ADGRV1: variants seen among roughly 807,000 people sequenced by gnomAD.
ADGRV1 encodes G-protein coupled receptor 98.
ADGRV1 carries 359 observed loss-of-function variants against 596.2 expected under a neutral mutation model. That is an observed-to-expected ratio of 0.60 (90% CI 0.55 to 0.66). ADGRV1 has a LOEUF of 0.66. Among genes scored for constraint, ADGRV1 ranks in the 30% least tolerant of loss-of-function variants. The pLI, the probability that ADGRV1 is intolerant of heterozygous loss-of-function variation, is 0.00. For missense variants in ADGRV1, 7,274 were observed against 7,575.6 expected (o/e 0.96, Z 1.48); for synonymous variants, 2,681 against 2,679.2 (o/e 1.00, Z -0.02).
At chr5:90,691,828 GA>G (rs953949813) in intron 31 of ADGRV1, among the ~76,000 whole-genome samples, 2 of 151,968 alleles carry the variant, frequency 1.3e-5, no homozygotes, top group African/African-American at 4.8e-5. Flanking sequence ...CTTACTATAT[GA>G]AAAATAGCAT....
intron 31 of ADGRV1, 106 bp from the exon 32 acceptor site, chr5:90,692,499 T>G (rs571648547): frequency 8.8e-6 from 7 of 799,590 alleles, no homozygotes; most frequent in Non-Finnish European, 1.2e-5. Flanking sequence ...TCATTCCATT[T>G]TGTTCTTGTA....
At chr5:91,133,725 A>C (rs1794402971) in intron 87 of ADGRV1, among the ~76,000 whole-genome samples, 1 of 152,186 alleles carries the variant, frequency 6.6e-6, no homozygotes, top group African/African-American at 2.4e-5. Context: ...GCTGGTTCTT[A>C]TATCTTAAAC....
intron 1 of ADGRV1, among the ~76,000 whole-genome samples, chr5:90,569,381 ATATATATTTTTTTTTTTTTT>A (rs1756172035): frequency 5.1e-5 from 1 of 19,432 alleles, no homozygotes; most frequent in Non-Finnish European, 8.1e-5. Flanking sequence ...ATATATATAT[ATATATATTTTTTTTTTTTTT>A]TTTTTTTTTT....
chr5:90,740,570 G>A (rs914657359), intron 50 of ADGRV1, among the ~76,000 whole-genome samples: 3 of 152,238 alleles, frequency 2.0e-5, no homozygotes, highest in African/African-American at 7.2e-5. Context: ...GAGCAATGCT[G>A]TTGGGTATTC....
intron 83 of ADGRV1, among the ~76,000 whole-genome samples, chr5:90,933,452 T>C (rs967450114): frequency 1.3e-5 from 2 of 151,992 alleles, no homozygotes; most frequent in African/African-American, 4.8e-5. Flanking sequence ...GCAAAGCAAA[T>C]ATAGTCCTGA....
At chr5:90,981,322 G>A (rs908940467) in intron 84 of ADGRV1, among the ~76,000 whole-genome samples, 2 of 152,170 alleles carry the variant, frequency 1.3e-5, no homozygotes, top group South Asian at 2.1e-4. Context: ...AATCAGATAC[G>A]CATTTATCTC....
At chr5:91,050,737 G>A (rs1172068659) in intron 85 of ADGRV1, among the ~76,000 whole-genome samples, 1 of 152,178 alleles carries the variant, frequency 6.6e-6, no homozygotes, top group Non-Finnish European at 1.5e-5. Flanking sequence ...GTGTGTGCCT[G>A]TGGTTCCAGG....
intron 83 of ADGRV1, among the ~76,000 whole-genome samples, chr5:90,870,436 A>G (rs999807924): frequency 1.3e-5 from 2 of 152,140 alleles, no homozygotes; most frequent in Non-Finnish European, 2.9e-5. Context: ...AGACCACGCT[A>G]TGTGGAATGA....
chr5:90,740,035 C>T (rs538163841), intron 50 of ADGRV1, among the ~76,000 whole-genome samples: 1 of 152,310 alleles, frequency 6.6e-6, no homozygotes, highest in Admixed American at 6.5e-5. Context: ...CTGGGCAGGA[C>T]TAGATTCAGA....
chr5:90,740,590 G>C (rs558029626), intron 50 of ADGRV1, among the ~76,000 whole-genome samples: 1 of 152,192 alleles, frequency 6.6e-6, no homozygotes, highest in Non-Finnish European at 1.5e-5. Context: ...CTTTCTGGTG[G>C]TGTGCCTCCA....
At chr5:91,110,869 G>A (rs946721822) in intron 87 of ADGRV1, among the ~76,000 whole-genome samples, 2 of 149,832 alleles carry the variant, frequency 1.3e-5, no homozygotes, top group Non-Finnish European at 3.0e-5. Context: ...CCAGAGTACT[G>A]TTTGACTGTT....
intron 28 of ADGRV1, among the ~76,000 whole-genome samples, chr5:90,684,890 G>A (rs750176841): frequency 1.3e-5 from 2 of 152,176 alleles, no homozygotes; most frequent in South Asian, 2.1e-4. Context: ...GGAAGAAGGC[G>A]AAGCGGTTAA....
At chr5:91,128,935 T>A (rs1793983934) in intron 87 of ADGRV1, among the ~76,000 whole-genome samples, 1 of 152,178 alleles carries the variant, frequency 6.6e-6, no homozygotes, top group South Asian at 2.1e-4. Flanking sequence ...AAACAGTACC[T>A]CTGTAATTAA....
intron 1 of ADGRV1, among the ~76,000 whole-genome samples, chr5:90,592,477 A>G (rs190512584): frequency 1.3e-5 from 2 of 152,290 alleles, no homozygotes; most frequent in Admixed American, 1.3e-4. Flanking sequence ...GTGAGGGATA[A>G]AAGACTACAC....
At chr5:90,859,063 A>G (rs1767297360) in intron 82 of ADGRV1, among the ~76,000 whole-genome samples, 1 of 152,238 alleles carries the variant, frequency 6.6e-6, no homozygotes, top group Admixed American at 6.5e-5. Context: ...CTGAAAGAGC[A>G]GCAAGGATTT....
intron 25 of ADGRV1, among the ~76,000 whole-genome samples, chr5:90,677,860 A>G (rs1053528321): frequency 7.2e-5 from 11 of 152,198 alleles, no homozygotes; most frequent in African/African-American, 2.4e-4. Flanking sequence ...TCCTGGACTC[A>G]TATGTAGGGA....
chr5:90,964,727 C>CAAA (rs60760571), intron 83 of ADGRV1, among the ~76,000 whole-genome samples: 3 of 121,398 alleles, frequency 2.5e-5, no homozygotes, highest in African/African-American at 8.7e-5. Flanking sequence ...GACTAATAGC[C>CAAA]AAAAAAAAAA....
At chr5:91,129,905 A>G (rs1053185380) in intron 87 of ADGRV1, among the ~76,000 whole-genome samples, 2 of 152,154 alleles carry the variant, frequency 1.3e-5, no homozygotes, top group African/African-American at 4.8e-5. Flanking sequence ...TCCATTCAAG[A>G]AATACCCTTC....
At chr5:91,068,951 C>T (rs1788132696) in intron 85 of ADGRV1, among the ~76,000 whole-genome samples, 2 of 151,898 alleles carry the variant, frequency 1.3e-5, no homozygotes, top group African/African-American at 4.8e-5. Flanking sequence ...GACACATAGA[C>T]CAATAGAATA....
Sources: gnomAD v4.1 joint callset for allele counts (sites outside exome capture counted in the v4.1 genomes callset) on GRCh38, gnomAD v4.1.1 for gene constraint, MANE v1.5 for transcripts, NCBI Gene and HGNC (gene_info 2026-07-23, HGNC 2026-07-21) for gene names.